The following CTBP2 variants were observed in gnomAD, a reference collection of about 807,000 sequenced individuals.
CTBP2 encodes the protein C-terminal binding protein 2.
CTBP2 carries 30 observed loss-of-function variants against 80.3 expected under a neutral mutation model. The ratio of observed to expected loss-of-function variants is 0.37; its 90% CI spans 0.28 to 0.51. CTBP2 has a LOEUF of 0.51. Ranked by LOEUF, CTBP2 falls within the 20% of genes least tolerant of loss-of-function variation. The pLI, the probability that CTBP2 is intolerant of heterozygous loss-of-function variation, is 0.93. For missense variants in CTBP2, 1,212 were observed against 1,375.3 expected (o/e 0.88, Z 1.88); for synonymous variants, 594 against 587.4 (o/e 1.01, Z -0.16).
chr10:125,023,457 C>T (rs968908361), intron 1 of CTBP2, among the ~76,000 whole-genome samples: 13 of 152,346 alleles, frequency 8.5e-5, no homozygotes, highest in African/African-American at 1.7e-4. Context: ...GGTGACAGCA[C>T]GTGACACGGG....
chr10:125,108,216 G>A (rs1264073501), intron 2 of CTBP2, among the ~76,000 whole-genome samples: 1 of 152,194 alleles, frequency 6.6e-6, no homozygotes, highest in Non-Finnish European at 1.5e-5. Flanking sequence ...CCTCTTGTCA[G>A]GAGAAGGCTG....
At chr10:125,157,013 A>G (rs1861036997) in intron 1 of CTBP2, among the ~76,000 whole-genome samples, 1 of 152,238 alleles carries the variant, frequency 6.6e-6, no homozygotes, top group African/African-American at 2.4e-5. Flanking sequence ...GACTCTCAAA[A>G]GGCCAAAATA....
chr10:125,045,931 TCAGTTCCAAGGGCCC>T (rs981153756), intron 2 of CTBP2, among the ~76,000 whole-genome samples: 9 of 151,422 alleles, frequency 5.9e-5, no homozygotes, highest in Non-Finnish European at 1.0e-4. Context: ...ATGCCCTCGA[TCAGTTCCAAGGGCCC>T]CACCCTCTAA....
At chr10:125,091,186 A>G (rs1198464315) in intron 2 of CTBP2, among the ~76,000 whole-genome samples, 1 of 152,198 alleles carries the variant, frequency 6.6e-6, no homozygotes, top group Non-Finnish European at 1.5e-5. Flanking sequence ...GGGAAAGAAA[A>G]GTATTGGAGA....
At chr10:125,002,203 C>G (rs899272360) in intron 3 of CTBP2, among the ~76,000 whole-genome samples, 5 of 152,200 alleles carry the variant, frequency 3.3e-5, no homozygotes, top group Non-Finnish European at 5.9e-5. Context: ...GTGGCGTGTT[C>G]CAAACACAGA....
chr10:125,104,032 G>A (rs372856486), intron 2 of CTBP2, among the ~76,000 whole-genome samples: 7 of 152,282 alleles, frequency 4.6e-5, no homozygotes, highest in African/African-American at 1.4e-4. Context: ...AGGTGACCAC[G>A]GGAAAGGTGT....
intron 2 of CTBP2, among the ~76,000 whole-genome samples, chr10:125,100,271 G>T (rs958862096): frequency 6.6e-6 from 1 of 152,224 alleles, no homozygotes; most frequent in Admixed American, 6.5e-5. Flanking sequence ...GGTATTTGAT[G>T]ATTGGCCACC....
rs1449203333 is a variant in CTBP2 at position 125,003,485 on chromosome 10, G to A, written c.1686C>T (p.Arg562=). ...GCAGGGGGCCGTTCATGATCTGGGG[G>A]CGGATACCTGCCAGGAGGGAAGGGG... The change falls in exon 2 of 9, where the codon CGC becomes CGT. Residue 562 remains arginine, a synonymous_variant. Coordinates refer to ENST00000309035, the MANE Select transcript of CTBP2 (RefSeq NM_022802.3). 6.4e-7 allele frequency: 1 copy of A among 1,562,300 alleles called. No individual in the cohort carries two copies. Among genetic ancestry groups the A allele is most frequent in the Non-Finnish European group, 8.6e-7 (1 of 1,158,206 alleles).
Position 124,989,042 on chromosome 10 carries a change from C to T in CTBP2, c.*476G>A. On this transcript the variant is annotated 3_prime_UTR_variant, in exon 9 of 9. Transcript: ENST00000309035. Reference sequence around the variant, plus strand: ...GTGTCTACCACAGGCAAACAGTTTTCTCCCCATTTTGTAGTAATGTGATTT... The same window carrying T: ...GTGTCTACCACAGGCAAACAGTTTTTTCCCCATTTTGTAGTAATGTGATTT... The T allele has an allele frequency of 4.8e-6, 1 of 209,808 alleles. No individual in the cohort carries two copies. Among genetic ancestry groups the T allele is most frequent in the Middle Eastern group, 2.0e-3 (1 of 496 alleles). 13.0% of individuals were successfully genotyped at this position (209,808 alleles called of 1,614,324 possible).
At chr10:125,088,971 C>T (rs1848389823) in intron 2 of CTBP2, among the ~76,000 whole-genome samples, 1 of 152,172 alleles carries the variant, frequency 6.6e-6, no homozygotes, top group African/African-American at 2.4e-5. Flanking sequence ...TCATGCATCA[C>T]GTGTGTCTTT....
chr10:125,119,185 C>G (rs1032591951), intron 1 of CTBP2, among the ~76,000 whole-genome samples: 1 of 152,214 alleles, frequency 6.6e-6, no homozygotes, highest in African/African-American at 2.4e-5. Context: ...GGTCTTCAGA[C>G]ATTCAGAGCA....
At chr10:125,067,200 G>C (rs1386333741) in intron 2 of CTBP2, among the ~76,000 whole-genome samples, 2 of 152,162 alleles carry the variant, frequency 1.3e-5, no homozygotes. Context: ...AACTGCAGTA[G>C]AGGGACAATC....
chr10:125,103,081 C>G lies in CTBP2; in HGVS notation c.-102+7909G>C, dbSNP rs114275600. 2.7e-3 allele frequency among the ~76,000 whole-genome samples: 415 copies of G among 152,298 alleles called. 1 individual carries two copies. The highest frequency in any genetic ancestry group is 7.4e-3 in the African/African-American group (306 of 41,558). ...CTTCACTTCCCTGCGGTGGAAAGCT[C>G]AAGAACACGGCGTGATTATCTCAGA... On this transcript the variant is annotated intron_variant, in intron 2 of 10. Coordinates refer to the CTBP2 transcript ENST00000337195.
chr10:125,060,504 ATG>A (rs1379981123), intron 2 of CTBP2, among the ~76,000 whole-genome samples: 19 of 144,946 alleles, frequency 1.3e-4, no homozygotes, highest in Admixed American at 1.3e-3. Flanking sequence ...GTGTGTGTAC[ATG>A]TGTGTGTCTG....
Position 124,993,847 on chromosome 10 carries a change from A to G in CTBP2, c.2531+8T>C. On this transcript the variant is annotated splice_region_variant and intron_variant, in intron 6 of 8. Transcript: ENST00000309035. ...GGGCTCCTGGTAGGCGGCTGGGGCA[A>G]CACGCACCTGAAGGGCTCTGACTCA... The G allele has an allele frequency of 6.2e-7, 1 of 1,609,810 alleles. No homozygotes were observed. The highest frequency in any genetic ancestry group is 1.1e-5 in the South Asian group (1 of 90,736).
rs185994757 is a variant in CTBP2, at chr10:125,026,549, C to T, written c.1211G>A (p.Arg404His). 4,665 of 1,564,170 alleles carry T rather than the reference C, an allele frequency of 3.0e-3. 8 individuals carry two copies. The highest frequency in any genetic ancestry group is 3.7e-3 in the Non-Finnish European group (4,227 of 1,156,470). The change falls in exon 1 of 9, where the codon CGC (arginine) becomes CAC (histidine). Residue 404 changes from arginine to histidine, a missense_variant. Arg to His is a conservative substitution (Grantham distance 29, BLOSUM62 0). Around this residue, in one of 3 missense-constraint regions of CTBP2, gnomAD observed 848 missense variants for 782.3 expected, o/e 1.08. Coordinates refer to ENST00000309035, the MANE Select transcript of CTBP2 (RefSeq NM_022802.3). ...CTGAGATGGTGCGCTGGAGGGACGGCGAGCCGGGTCTCCAGCTCGGGGGGA... is the reference window on the plus strand; with the variant it reads ...CTGAGATGGTGCGCTGGAGGGACGGTGAGCCGGGTCTCCAGCTCGGGGGGA...
At chr10:125,019,941 C>T (rs1956879843) in intron 1 of CTBP2, among the ~76,000 whole-genome samples, 1 of 152,130 alleles carries the variant, frequency 6.6e-6, no homozygotes, top group Admixed American at 6.5e-5. Context: ...TCAACTCAAG[C>T]ACTGAGGTTG....
chr10:125,043,371 G>A (rs1960384611), intron 2 of CTBP2, among the ~76,000 whole-genome samples: 2 of 152,102 alleles, frequency 1.3e-5, no homozygotes, highest in Admixed American at 6.5e-5. Flanking sequence ...CGCCCTTAAG[G>A]TTACACAGCA....
At chr10:125,092,914 T>TG (rs139587093) in intron 2 of CTBP2, among the ~76,000 whole-genome samples, 3,711 of 149,902 alleles carry the variant, frequency 0.025, 66 homozygotes, top group Non-Finnish European at 0.036. Context: ...CCTTCTAGAG[T>TG]GGGGGGGGGC....
Sources: allele counts gnomAD v4.1 joint callset (sites outside exome capture counted in the v4.1 genomes callset), GRCh38; gene constraint gnomAD v4.1.1; regional missense constraint gnomAD v4.1.1; transcripts MANE v1.5; gene names NCBI Gene and HGNC (gene_info 2026-07-23, HGNC 2026-07-21).